The following DSCAM variants were observed in gnomAD, a reference collection of about 807,000 sequenced individuals.
The protein encoded by DSCAM is cell adhesion molecule DSCAM.
In DSCAM, 47 loss-of-function variants were observed where a neutral mutation model predicts 217.7. That is an observed-to-expected ratio of 0.22 (90% CI 0.17 to 0.28). The LOEUF is 0.28. Among genes scored for constraint, DSCAM ranks in the 10% least tolerant of loss-of-function variants. The pLI is 1.00. For missense variants in DSCAM, 2,080 were observed against 2,618.3 expected, an observed-to-expected ratio of 0.79 and a Z score of 4.49; for synonymous variants, 1,056 against 1,015.3, an observed-to-expected ratio of 1.04 and a Z score of -0.76.
intron 3 of DSCAM, among the ~76,000 whole-genome samples, chr21:40,397,195 T>C (rs949264835): frequency 6.6e-5 from 10 of 152,194 alleles, no homozygotes; most frequent in South Asian, 2.1e-4. Context: ...CTCAGTGATA[T>C]AGTTTGAATC....
intron 6 of DSCAM, among the ~76,000 whole-genome samples, chr21:40,345,504 T>C (rs965762177): frequency 1.3e-5 from 2 of 152,322 alleles, no homozygotes; most frequent in Admixed American, 6.5e-5. Context: ...CTGGAAACTT[T>C]TATTATTCTT....
chr21:40,518,195 C>T (rs1047594146), intron 3 of DSCAM, among the ~76,000 whole-genome samples: 2 of 145,808 alleles, frequency 1.4e-5, no homozygotes, highest in Non-Finnish European at 3.0e-5. Flanking sequence ...GTGTGCATTC[C>T]AATGGACCCT....
chr21:40,420,941 C>T (rs922623603), intron 3 of DSCAM, among the ~76,000 whole-genome samples: 7 of 152,172 alleles, frequency 4.6e-5, no homozygotes, highest in Admixed American at 2.6e-4. Flanking sequence ...GCATTTCTTT[C>T]GCTGTAAGCC....
At chr21:40,116,132 C>T (rs779032244) in intron 20 of DSCAM, among the ~76,000 whole-genome samples, 11 of 152,072 alleles carry the variant, frequency 7.2e-5, no homozygotes, top group Non-Finnish European at 1.3e-4. Context: ...AGGGGAACAA[C>T]ACACAACACA....
chr21:40,829,372 T>A (rs1287737566), intron 1 of DSCAM, among the ~76,000 whole-genome samples: 1 of 152,042 alleles, frequency 6.6e-6, no homozygotes, highest in Non-Finnish European at 1.5e-5. Context: ...ACTAGGGCAG[T>A]GAGGTAGATT....
intron 3 of DSCAM, among the ~76,000 whole-genome samples, chr21:40,455,258 G>A (rs1028622604): frequency 2.0e-5 from 3 of 152,140 alleles, no homozygotes; most frequent in Non-Finnish European, 4.4e-5. Context: ...TCATTTGAAC[G>A]AAATGTATGG....
intron 11 of DSCAM, among the ~76,000 whole-genome samples, chr21:40,249,107 G>A (rs2073267287): frequency 6.6e-6 from 1 of 152,166 alleles, no homozygotes; most frequent in Non-Finnish European, 1.5e-5. Context: ...AGATTTGGAT[G>A]GGGGCACAGC....
chr21:40,588,089 C>T lies in DSCAM; in HGVS notation c.508+104721G>A, dbSNP rs181162790. Among the ~76,000 whole-genome samples the T allele has an allele frequency of 3.8e-4, 58 of 152,250 alleles. No individual in the cohort carries two copies. In the East Asian group the frequency reaches 0.011, roughly 29 times the overall value. On this transcript the variant is annotated intron_variant, in intron 3 of 32. Coordinates refer to ENST00000400454, the MANE Select transcript of DSCAM (RefSeq NM_001389.5). The stretch of plus-strand genomic sequence containing the variant: ...TCTAAACTGCAGATGCCTTCAGCTG[C>T]CAGGCATGGACTTAAAGGCGTTCCT...
chr21:40,672,851 C>T (rs1198490705), intron 3 of DSCAM, among the ~76,000 whole-genome samples: 2 of 152,136 alleles, frequency 1.3e-5, no homozygotes, highest in Non-Finnish European at 2.9e-5. Flanking sequence ...ACATCTCTCA[C>T]ATCTGTCCTT....
chr21:40,138,271 G>A (rs188201002), intron 18 of DSCAM, among the ~76,000 whole-genome samples: 65 of 147,780 alleles, frequency 4.4e-4, no homozygotes, highest in African/African-American at 1.4e-3. Flanking sequence ...TGTGGTATGC[G>A]ATGTGCATGG....
intron 19 of DSCAM, among the ~76,000 whole-genome samples, chr21:40,132,703 G>A (rs1348304392): frequency 6.6e-6 from 1 of 152,244 alleles, no homozygotes; most frequent in Non-Finnish European, 1.5e-5. Context: ...CAAGGTGAGA[G>A]CAGAGAGTGA....
intron 11 of DSCAM, among the ~76,000 whole-genome samples, chr21:40,247,291 C>T (rs574947850): frequency 2.6e-5 from 4 of 152,110 alleles, no homozygotes; most frequent in Non-Finnish European, 5.9e-5. Flanking sequence ...TCCCAACAGT[C>T]CCCCAAAGTC....
chr21:40,049,843 A>G (rs1361443953), intron 30 of DSCAM, among the ~76,000 whole-genome samples: 1 of 152,144 alleles, frequency 6.6e-6, no homozygotes, highest in Admixed American at 6.5e-5. Context: ...CAACAAATCA[A>G]CTTCCCCATT....
In DSCAM at chr21:40,026,083, G is replaced by A. The variant is rs113610555; in HGVS notation, c.5687-12697C>T. Among the ~76,000 whole-genome samples, 117 of 142,000 alleles carry A rather than the reference G, an allele frequency of 8.2e-4. 7 individuals carry two copies. The highest frequency in any genetic ancestry group is 2.3e-3 in the African/African-American group (93 of 39,826). The allele number at this position is 142,000 out of a possible 152,430, so 93.2% of individuals were successfully genotyped here. ...TCTGGTATGTTGTGTCTTTGTTCTC[G>A]TTGGTTTCAAAGAACATCTTTATTT... On this transcript the variant is annotated intron_variant, in intron 32 of 32. Coordinates refer to ENST00000400454, the MANE Select transcript of DSCAM (RefSeq NM_001389.5).
At chr21:40,714,418 C>A (rs1361599783) in intron 1 of DSCAM, among the ~76,000 whole-genome samples, 2 of 152,134 alleles carry the variant, frequency 1.3e-5, no homozygotes, top group Non-Finnish European at 2.9e-5. Context: ...TTCCTGAGGC[C>A]CTGGGGACCC....
rs540300157 is a variant in DSCAM at position 40,024,187 on chromosome 21, C to T, written c.5687-10801G>A. Among the ~76,000 whole-genome samples the T allele has an allele frequency of 1.1e-4, 9 of 79,352 alleles. 1 individual carries two copies. Among genetic ancestry groups the T allele is most frequent in the East Asian group, 1.1e-3 (3 of 2,766 alleles). The allele number at this position is 79,352 out of a possible 152,430, so 52.1% of individuals were successfully genotyped here. On this transcript the variant is annotated intron_variant, in intron 32 of 32. Coordinates refer to ENST00000400454, the MANE Select transcript of DSCAM (RefSeq NM_001389.5). Reference sequence around the variant, plus strand: ...CAAAGATCAGATAGTTGTAGATATGCGGCATTATTTCTGAGGGCTCTGTTC... The same window carrying T: ...CAAAGATCAGATAGTTGTAGATATGTGGCATTATTTCTGAGGGCTCTGTTC...
At chr21:40,237,426 C>T (rs2073093998) in intron 11 of DSCAM, among the ~76,000 whole-genome samples, 1 of 152,152 alleles carries the variant, frequency 6.6e-6, no homozygotes, top group African/African-American at 2.4e-5. Flanking sequence ...CATGTGTTCT[C>T]ATTGTTCAGC....
intron 1 of DSCAM, among the ~76,000 whole-genome samples, chr21:40,760,002 TATTTATTTATGA>T (rs1203432434): frequency 2.6e-4 from 33 of 126,426 alleles, no homozygotes; most frequent in Admixed American, 3.9e-4. Context: ...TTTATTTATT[TATTTATTTATGA>T]GACAGAGTCT....
chr21:40,040,844 C>T (rs1045637976), intron 32 of DSCAM, among the ~76,000 whole-genome samples: 1 of 152,170 alleles, frequency 6.6e-6, no homozygotes, highest in Non-Finnish European at 1.5e-5. Context: ...TCCTCCTCAC[C>T]TTCAGGCTGA....
Sources: allele counts gnomAD v4.1 joint callset (sites outside exome capture counted in the v4.1 genomes callset), GRCh38; gene constraint gnomAD v4.1.1; transcripts MANE v1.5; gene names NCBI Gene and HGNC (gene_info 2026-07-23, HGNC 2026-07-21).